P2RX1: variants seen among roughly 807,000 people sequenced by gnomAD.
P2RX1 encodes the protein P2X purinoceptor 1.
A neutral mutation model predicts 50.3 loss-of-function variants in P2RX1; 42 were observed. The observed-to-expected ratio is 0.83, with a 90% CI of 0.65 to 1.08. P2RX1 has a LOEUF of 1.08. Ranked by LOEUF, P2RX1 falls within the 50% of genes least tolerant of loss-of-function variation. The probability of loss-of-function intolerance (pLI) is 0.00; values close to 1 mark genes in which losing one functional copy is unlikely to be tolerated. For missense variants in P2RX1, 449 were observed against 529.0 expected (o/e 0.85, Z 1.48); for synonymous variants, 199 against 202.6 (o/e 0.98, Z 0.15).
chr17:3,907,656 G>A (rs550608026), intron 1 of P2RX1, among the ~76,000 whole-genome samples: 21 of 152,240 alleles, frequency 1.4e-4, no homozygotes, highest in Non-Finnish European at 2.4e-4. Context: ...ACATGCTCCC[G>A]AAGCCTAAGC....
chr17:3,897,922 G>A (rs2056061830), intron 11 of P2RX1, 43 bp from the exon 12 acceptor site: 2 of 1,612,106 alleles, frequency 1.2e-6, no homozygotes, highest in Non-Finnish European at 1.7e-6. Flanking sequence ...AGTCAGTGCT[G>A]GGGAAGCAGC....
intron 7 of P2RX1, among the ~76,000 whole-genome samples, chr17:3,901,976 C>T (rs867020933): frequency 7.2e-5 from 11 of 152,220 alleles, no homozygotes; most frequent in African/African-American, 2.4e-4. Context: ...TCATACTGCT[C>T]GTTTGGGGCA....
intron 7 of P2RX1, among the ~76,000 whole-genome samples, chr17:3,901,244 T>A (rs1023783761): frequency 6.6e-6 from 1 of 152,190 alleles, no homozygotes; most frequent in Non-Finnish European, 1.5e-5. Flanking sequence ...ATTTTTTATA[T>A]TTTTAGTAGA....
Position 3,903,482 on chromosome 17 carries a change from G to A in P2RX1, c.605+69C>T. 6 of 1,591,634 alleles carry A rather than the reference G, an allele frequency of 3.8e-6. No individual in the cohort carries two copies. The highest frequency in any genetic ancestry group is 5.2e-6 in the Non-Finnish European group (6 of 1,160,950). On this transcript the variant is annotated intron_variant, in intron 6 of 11. Coordinates refer to ENST00000225538, the MANE Select transcript of P2RX1 (RefSeq NM_002558.4). This position sits in a 1 kb window ranked among gnomAD's most constrained non-coding sequence, Gnocchi z 4.6. ...ACGCCAGCAGGAATGGAGGGAGACA[G>A]AGACAGCTGAGAGCTGCCGGAGCGG...
chr17:3,905,306 CAG>C lies in P2RX1; in HGVS notation c.197_198del (p.Ser66CysfsTer23), dbSNP rs2056242489. On this transcript the variant is annotated frameshift_variant, in exon 2 of 12. Coordinates refer to ENST00000225538, the MANE Select transcript of P2RX1 (RefSeq NM_002558.4). LOFTEE classifies it high-confidence loss of function. ...GTCACGGCCAGGCCCTTGAGTTTCA[CAG>C]AGACACTGCTGATGAGGCCGCTCGA... ...QTSSGLISSV[S>X]VKLKGLAVTQ... is the part of the protein sequence containing the mutation. 6.2e-7 allele frequency: 1 copy of C among 1,613,910 alleles called. No homozygotes were observed. Among genetic ancestry groups the C allele is most frequent in the Non-Finnish European group, 8.5e-7 (1 of 1,180,040 alleles).
At chr17:3,904,565 T>A in intron 3 of P2RX1, 166 bp from the exon 4 acceptor site, 1 of 696,086 alleles carries the variant, frequency 1.4e-6, no homozygotes, top group Non-Finnish European at 2.5e-6. Context: ...CCCACACTGC[T>A]CTGCCGAGGC....
At chr17:3,902,315 A>G (rs1207840954) in intron 7 of P2RX1, among the ~76,000 whole-genome samples, 1 of 146,998 alleles carries the variant, frequency 6.8e-6, no homozygotes, top group African/African-American at 2.6e-5. Flanking sequence ...TTTTTTTTTG[A>G]CAGAGTCTTG....
At position 3,897,865 on chromosome 17, in the gene P2RX1, G is replaced by C. The variant is rs139103856; in HGVS notation, c.1149C>G (p.Leu383=). The C allele has an allele frequency of 3.1e-6, 5 of 1,613,886 alleles. No homozygotes were observed. Among genetic ancestry groups the C allele is most frequent in the Non-Finnish European group, 3.4e-6 (4 of 1,180,014 alleles). ...GGCCCAGGGTGGAGCTGGTAGCTGC[G>C]AGGTCACGCTCAGCCTGTGTACGTG... The part of the protein sequence containing the change: ...DMGPGAAERD[L]AATSSTLGLQ... Residue 383 remains leucine, a synonymous_variant, in exon 12 of 12, where the codon CTC becomes CTG. Transcript: ENST00000225538.
At position 3,903,786 on chromosome 17, in the gene P2RX1, C is replaced by T. The variant is rs940302715; in HGVS notation, c.524+142G>A. 4 of 1,099,764 alleles carry T rather than the reference C, an allele frequency of 3.6e-6. No individual in the cohort carries two copies. Among genetic ancestry groups the T allele is most frequent in the African/African-American group, 1.5e-5 (1 of 64,794 alleles). 68.1% of individuals were successfully genotyped at this position (1,099,764 alleles called of 1,614,324 possible). ...TGGGTGTGCTCTAGCGTGGCCAGGACCCAGGGGAATCTTCAGCCTAGGTTG... is the reference window on the plus strand; with the variant it reads ...TGGGTGTGCTCTAGCGTGGCCAGGATCCAGGGGAATCTTCAGCCTAGGTTG... On this transcript the variant is annotated intron_variant, in intron 5 of 11. Transcript: ENST00000225538. This position sits in a 1 kb window ranked among gnomAD's most constrained non-coding sequence, Gnocchi z 4.6.
chr17:3,901,221 C>T (rs1166508706), intron 7 of P2RX1, among the ~76,000 whole-genome samples: 2 of 152,206 alleles, frequency 1.3e-5, no homozygotes, highest in Admixed American at 6.5e-5. Flanking sequence ...GTGCCCGCCA[C>T]CATGCCCGGC....
chr17:3,911,042 G>A (rs1449067771), intron 1 of P2RX1, among the ~76,000 whole-genome samples: 1 of 152,132 alleles, frequency 6.6e-6, no homozygotes. Flanking sequence ...GAGTGCACTG[G>A]TGCAGTCGTG....
At chr17:3,906,607 G>C (rs1353853791) in intron 1 of P2RX1, among the ~76,000 whole-genome samples, 1 of 152,228 alleles carries the variant, frequency 6.6e-6, no homozygotes, top group African/African-American at 2.4e-5. Flanking sequence ...TCCTCTGGAG[G>C]GCTTGCAGCG....
chr17:3,908,000 C>T (rs1414020324), intron 1 of P2RX1, among the ~76,000 whole-genome samples: 5 of 152,232 alleles, frequency 3.3e-5, no homozygotes, highest in Non-Finnish European at 7.3e-5. Context: ...GAACTTTCTA[C>T]CTTTTCCCAA....
chr17:3,911,506 G>A lies in P2RX1; in HGVS notation c.137+4583C>T, dbSNP rs546499198. On this transcript the variant is annotated intron_variant, in intron 1 of 11. Coordinates refer to ENST00000225538, the MANE Select transcript of P2RX1 (RefSeq NM_002558.4). ...GCCGGGGTGACGACATCTGTCACCCGTGCTCACTGCCTCTGCCTTGGGTCC... is the reference window on the plus strand; with the variant it reads ...GCCGGGGTGACGACATCTGTCACCCATGCTCACTGCCTCTGCCTTGGGTCC... 8.0e-4 allele frequency among the ~76,000 whole-genome samples: 122 copies of A among 152,234 alleles called. 1 individual carries two copies. Among genetic ancestry groups the A allele is most frequent in the Admixed American group, 1.8e-3 (27 of 15,294 alleles).
chr17:3,912,733 G>A (rs1205489365), intron 1 of P2RX1, among the ~76,000 whole-genome samples: 3 of 152,170 alleles, frequency 2.0e-5, no homozygotes, highest in Non-Finnish European at 4.4e-5. Context: ...TCCATTCCAT[G>A]TCCCACCTCT....
chr17:3,912,731 A>G (rs1375914059), intron 1 of P2RX1, among the ~76,000 whole-genome samples: 1 of 152,024 alleles, frequency 6.6e-6, no homozygotes, highest in Non-Finnish European at 1.5e-5. Context: ...TCTCCATTCC[A>G]TGTCCCACCT....
At chr17:3,909,166 G>A (rs772568656) in intron 1 of P2RX1, among the ~76,000 whole-genome samples, 2 of 152,080 alleles carry the variant, frequency 1.3e-5, no homozygotes, top group Non-Finnish European at 2.9e-5. Context: ...GAGTAGCTGG[G>A]ACTACGGGCG....
intron 2 of P2RX1, 120 bp from the exon 3 acceptor site, chr17:3,905,049 C>T: frequency 8.9e-7 from 1 of 1,118,784 alleles, no homozygotes; most frequent in Non-Finnish European, 1.3e-6. Context: ...GCAGCCACCA[C>T]ACCCCCTGCC....
At chr17:3,904,248 A>G in intron 4 of P2RX1, 82 bp downstream of exon 4, 2 of 1,345,544 alleles carry the variant, frequency 1.5e-6, no homozygotes, top group Non-Finnish European at 2.1e-6. Flanking sequence ...GGAGAGAGGC[A>G]GGTCAGCACC....
Sources: allele counts gnomAD v4.1 joint callset (sites outside exome capture counted in the v4.1 genomes callset), GRCh38; gene constraint gnomAD v4.1.1; non-coding constraint Gnocchi (gnomAD v3.1); transcripts MANE v1.5; gene names NCBI Gene and HGNC (gene_info 2026-07-23, HGNC 2026-07-21).